TAFA1: variants seen among roughly 807,000 people sequenced by gnomAD.
TAFA1 encodes chemokine-like protein TAFA-1.
TAFA1 carries 4 observed loss-of-function variants against 18.5 expected under a neutral mutation model. The ratio of observed to expected loss-of-function variants is 0.22; its 90% CI spans 0.11 to 0.49. TAFA1 has a LOEUF of 0.49. Among genes scored for constraint, TAFA1 ranks in the 20% least tolerant of loss-of-function variants. TAFA1 has a pLI of 0.98. For synonymous variants in TAFA1, 56 were observed against 55.2 expected (o/e 1.01, Z -0.06); for missense variants, 147 against 169.0 (o/e 0.87, Z 0.72).
In TAFA1 at chr3:68,198,664, C is replaced by A. The variant is rs528065448; in HGVS notation, c.118+191920C>A. ...CTTTTCATATGCTTATTTATAATTT[C>A]TATGCCTTCTTTGGTGATATTTTGT... On this transcript the variant is annotated intron_variant, in intron 2 of 4. Coordinates refer to ENST00000478136, the MANE Select transcript of TAFA1 (RefSeq NM_213609.4). Among the ~76,000 whole-genome samples, 21 of 151,560 alleles carry A rather than the reference C, an allele frequency of 1.4e-4. No homozygotes were observed. The South Asian group carries it at 4.4e-3, about 31-fold the overall frequency.
At chr3:68,181,378 CAA>C (rs572609783) in intron 2 of TAFA1, among the ~76,000 whole-genome samples, 5 of 80,192 alleles carry the variant, frequency 6.2e-5, no homozygotes, top group African/African-American at 4.7e-5. Context: ...CTAGAACATA[CAA>C]AAAAAAAAAA....
At chr3:68,186,568 G>C (rs1014147447) in intron 2 of TAFA1, among the ~76,000 whole-genome samples, 7 of 151,912 alleles carry the variant, frequency 4.6e-5, no homozygotes, top group African/African-American at 1.7e-4. Flanking sequence ...GGACAGACAC[G>C]TTGTAGTTGT....
intron 2 of TAFA1, among the ~76,000 whole-genome samples, chr3:68,036,177 A>G (rs1382071398): frequency 6.6e-6 from 1 of 152,078 alleles, no homozygotes; most frequent in African/African-American, 2.4e-5. Context: ...ACGCTGTCTC[A>G]CTCCAGTAAT....
At chr3:68,285,830 G>A (rs906856716) in intron 2 of TAFA1, among the ~76,000 whole-genome samples, 18 of 152,228 alleles carry the variant, frequency 1.2e-4, no homozygotes, top group Admixed American at 7.9e-4. Context: ...AACCAACAAC[G>A]TGAGAGCAAA....
intron 2 of TAFA1, among the ~76,000 whole-genome samples, chr3:68,362,117 T>C (rs1008347827): frequency 1.3e-5 from 2 of 152,114 alleles, no homozygotes; most frequent in African/African-American, 4.8e-5. Flanking sequence ...AGTTTATAAA[T>C]TGAATTTATA....
At chr3:68,537,301 G>A (rs1645230827) in intron 3 of TAFA1, among the ~76,000 whole-genome samples, 1 of 152,160 alleles carries the variant, frequency 6.6e-6, no homozygotes, top group African/African-American at 2.4e-5. Context: ...ATTTATTAAT[G>A]TGTACATGAG....
intron 2 of TAFA1, among the ~76,000 whole-genome samples, chr3:68,305,955 G>A (rs1007564523): frequency 2.0e-5 from 3 of 152,148 alleles, no homozygotes; most frequent in African/African-American, 7.2e-5. Context: ...ATAATACTTT[G>A]TATGGTGAGG....
intron 2 of TAFA1, among the ~76,000 whole-genome samples, chr3:68,094,916 G>A (rs753991307): frequency 6.6e-6 from 1 of 152,130 alleles, no homozygotes; most frequent in Non-Finnish European, 1.5e-5. Context: ...AGTTGCTTTA[G>A]CTCCTGTTGG....
intron 2 of TAFA1, among the ~76,000 whole-genome samples, chr3:68,415,770 A>G (rs1027250619): frequency 6.6e-6 from 1 of 152,094 alleles, no homozygotes; most frequent in African/African-American, 2.4e-5. Context: ...TACAGGTGTT[A>G]TTATTATTCC....
At chr3:68,281,800 G>A (rs532615378) in intron 2 of TAFA1, among the ~76,000 whole-genome samples, 1 of 152,178 alleles carries the variant, frequency 6.6e-6, no homozygotes, top group East Asian at 1.9e-4. Flanking sequence ...TAAAAGAGTG[G>A]ATGCATTTGT....
At chr3:68,034,911 A>C (rs1180578381) in intron 2 of TAFA1, among the ~76,000 whole-genome samples, 2 of 152,142 alleles carry the variant, frequency 1.3e-5, no homozygotes, top group East Asian at 3.9e-4. Flanking sequence ...TTATGCATTC[A>C]TCCTTATATA....
chr3:68,475,451 T>A (rs1000379214), intron 3 of TAFA1, among the ~76,000 whole-genome samples: 3 of 152,082 alleles, frequency 2.0e-5, no homozygotes, highest in Non-Finnish European at 4.4e-5. Flanking sequence ...AGAATGATGG[T>A]TTCCAGCTTC....
intron 2 of TAFA1, among the ~76,000 whole-genome samples, chr3:68,032,566 C>T (rs1315061090): frequency 6.6e-6 from 1 of 152,140 alleles, no homozygotes; most frequent in African/African-American, 2.4e-5. Context: ...CTGAAATTCT[C>T]CTGTCCATAT....
At chr3:68,283,621 T>C (rs2067942123) in intron 2 of TAFA1, among the ~76,000 whole-genome samples, 1 of 152,178 alleles carries the variant, frequency 6.6e-6, no homozygotes, top group African/African-American at 2.4e-5. Flanking sequence ...CCTTGAAGTA[T>C]TTTTGTGAGG....
At chr3:68,206,491 T>C (rs569894703) in intron 2 of TAFA1, among the ~76,000 whole-genome samples, 1 of 152,028 alleles carries the variant, frequency 6.6e-6, no homozygotes, top group African/African-American at 2.4e-5. Context: ...TTGAGGTCTC[T>C]TTCAGTTATG....
intron 3 of TAFA1, among the ~76,000 whole-genome samples, chr3:68,537,744 T>G (rs1447260479): frequency 6.6e-6 from 1 of 152,124 alleles, no homozygotes; most frequent in East Asian, 1.9e-4. Flanking sequence ...TATTTTGGAG[T>G]AAAATATTTT....
Position 68,439,027 on chromosome 3 carries a change from C to T in TAFA1, c.259+21607C>T, listed in dbSNP as rs528402081. 4.6e-5 allele frequency among the ~76,000 whole-genome samples: 7 copies of T among 152,142 alleles called. No individual in the cohort carries two copies. The South Asian group carries it at 1.5e-3, about 32-fold the overall frequency. Reference sequence around the variant, plus strand: ...AGCAGCCTCAAAGATCTATAAAATGCCTTTGGGATCTTTCTTCCATTGTCT... The same window carrying T: ...AGCAGCCTCAAAGATCTATAAAATGTCTTTGGGATCTTTCTTCCATTGTCT... On this transcript the variant is annotated intron_variant, in intron 3 of 4. Transcript: ENST00000478136.
chr3:68,210,837 T>TC (rs1483466019), intron 2 of TAFA1, among the ~76,000 whole-genome samples: 8 of 152,046 alleles, frequency 5.3e-5, no homozygotes, highest in African/African-American at 1.9e-4. Flanking sequence ...TCACACAGTT[T>TC]CCAGTACTGG....
At chr3:67,994,542 T>C in the TAFA1 span, among the ~76,000 whole-genome samples, 1 of 152,232 alleles carries the variant, frequency 6.6e-6, no homozygotes, top group East Asian at 1.9e-4. Flanking sequence ...TCTTAATTCA[T>C]CACAGGGAAA....
Sources: allele counts gnomAD v4.1 joint callset (sites outside exome capture counted in the v4.1 genomes callset), GRCh38; gene constraint gnomAD v4.1.1; transcripts MANE v1.5; gene names NCBI Gene and HGNC (gene_info 2026-07-23, HGNC 2026-07-21).